The following KCNIP4 variants were observed in gnomAD, a reference collection of about 807,000 sequenced individuals.
The protein encoded by KCNIP4 is Kv channel-interacting protein 4.
In KCNIP4, 12 loss-of-function variants were observed where a neutral mutation model predicts 34.0. That is an observed-to-expected ratio of 0.35 (90% confidence interval 0.23 to 0.57). The LOEUF is 0.57. Ranked by LOEUF, KCNIP4 falls within the 20% of genes least tolerant of loss-of-function variation. KCNIP4 has a pLI of 0.83. For synonymous variants in KCNIP4, 124 were observed against 102.2 expected (o/e 1.21, Z -1.29); for missense variants, 238 against 311.7 (o/e 0.76, Z 1.78).
intron 1 of KCNIP4, among the ~76,000 whole-genome samples, chr4:21,690,133 T>TCA (rs200151398): frequency 6.9e-6 from 1 of 145,620 alleles, no homozygotes; most frequent in Non-Finnish European, 1.5e-5. Flanking sequence ...ATATTTTATA[T>TCA]TATATATATA....
At position 20,768,327 on chromosome 4, in the gene KCNIP4, A is replaced by G. The variant is rs575939274; in HGVS notation, c.289-9437T>C. 7.2e-5 allele frequency among the ~76,000 whole-genome samples: 11 copies of G among 152,324 alleles called. No homozygotes were observed. In the South Asian group the frequency reaches 2.3e-3, roughly 32 times the overall value. Reference sequence around the variant, plus strand: ...TCCTAAGACCAAGACCAAGATAGTCATGGGGGTTCCGATATCCCCATGATT... The same window carrying G: ...TCCTAAGACCAAGACCAAGATAGTCGTGGGGGTTCCGATATCCCCATGATT... On this transcript the variant is annotated intron_variant, in intron 3 of 8. Coordinates refer to ENST00000382152, the MANE Select transcript of KCNIP4 (RefSeq NM_025221.6).
chr4:21,323,961 T>C (rs571920677), intron 1 of KCNIP4, among the ~76,000 whole-genome samples: 6 of 152,160 alleles, frequency 3.9e-5, no homozygotes, highest in African/African-American at 1.4e-4. Context: ...TGAGAAAATA[T>C]CTCATTGTAG....
chr4:21,701,895 G>A (rs1243149389), intron 1 of KCNIP4, among the ~76,000 whole-genome samples: 1 of 151,858 alleles, frequency 6.6e-6, no homozygotes, highest in Non-Finnish European at 1.5e-5. Context: ...GTAGAGACAG[G>A]GTTTCACCAT....
intron 1 of KCNIP4, among the ~76,000 whole-genome samples, chr4:21,097,007 A>C (rs1021245432): frequency 3.9e-5 from 6 of 152,220 alleles, no homozygotes; most frequent in African/African-American, 1.4e-4. Flanking sequence ...AAAAACAAAA[A>C]AATTTATCAA....
intron 1 of KCNIP4, among the ~76,000 whole-genome samples, chr4:21,903,099 T>C (rs576767225): frequency 1.3e-5 from 2 of 152,264 alleles, no homozygotes; most frequent in Non-Finnish European, 2.9e-5. Context: ...ACGTAGCCAC[T>C]GGTGCAAACT....
intron 1 of KCNIP4, among the ~76,000 whole-genome samples, chr4:21,241,362 T>C (rs1577947689): frequency 6.6e-6 from 1 of 152,286 alleles, no homozygotes; most frequent in East Asian, 1.9e-4. Flanking sequence ...CAGTTAAAGA[T>C]GTTATTTTGA....
chr4:21,110,512 A>C (rs986583129), intron 1 of KCNIP4, among the ~76,000 whole-genome samples: 1 of 152,212 alleles, frequency 6.6e-6, no homozygotes, highest in Non-Finnish European at 1.5e-5. Context: ...ATAGTATTCT[A>C]TTACATTAGT....
chr4:21,791,157 T>A (rs1482772173), intron 1 of KCNIP4, among the ~76,000 whole-genome samples: 1 of 152,094 alleles, frequency 6.6e-6, no homozygotes, highest in Non-Finnish European at 1.5e-5. Context: ...ATTGCCAGCA[T>A]GTTTGGGTTC....
chr4:21,041,572 T>A (rs1291530805), intron 1 of KCNIP4, among the ~76,000 whole-genome samples: 1 of 152,188 alleles, frequency 6.6e-6, no homozygotes, highest in African/African-American at 2.4e-5. Context: ...TCCCCACATC[T>A]GGGAAAGACA....
chr4:21,299,543 A>G (rs1371597475), intron 1 of KCNIP4, among the ~76,000 whole-genome samples: 2 of 152,162 alleles, frequency 1.3e-5, no homozygotes, highest in Non-Finnish European at 2.9e-5. Context: ...CTCTTTCTTA[A>G]ACTTTACAGT....
At chr4:20,958,323 A>G (rs76208593) in intron 1 of KCNIP4, among the ~76,000 whole-genome samples, 2,769 of 152,254 alleles carry the variant, frequency 0.018, 41 homozygotes, top group Middle Eastern at 0.048. Flanking sequence ...TTATTCCTTC[A>G]TTGAGAAAAT....
intron 1 of KCNIP4, among the ~76,000 whole-genome samples, chr4:21,276,194 C>T (rs969171144): frequency 4.6e-5 from 7 of 152,182 alleles, no homozygotes. Context: ...CCTTAATCCA[C>T]AGTGCCTGTG....
At chr4:21,457,786 G>T (rs1729089923) in intron 1 of KCNIP4, among the ~76,000 whole-genome samples, 1 of 151,970 alleles carries the variant, frequency 6.6e-6, no homozygotes, top group Admixed American at 6.6e-5. Flanking sequence ...AGGACTGCTG[G>T]GAATGTAGTC....
chr4:21,755,908 T>C (rs947319414), intron 1 of KCNIP4, among the ~76,000 whole-genome samples: 1 of 152,202 alleles, frequency 6.6e-6, no homozygotes, highest in Non-Finnish European at 1.5e-5. Flanking sequence ...GTTATGGTTG[T>C]ATTGATATAA....
chr4:21,817,990 T>C (rs2122592), intron 1 of KCNIP4, among the ~76,000 whole-genome samples: 57,016 of 151,960 alleles, frequency 0.38, 12,479 homozygotes, highest in Non-Finnish European at 0.51. Flanking sequence ...CCCTGATTAG[T>C]AGTTCTGCTT....
intron 1 of KCNIP4, among the ~76,000 whole-genome samples, chr4:21,132,713 T>C (rs997743131): frequency 6.6e-6 from 1 of 151,992 alleles, no homozygotes; most frequent in African/African-American, 2.4e-5. Flanking sequence ...CATGTTAGAA[T>C]AAGAAATTTT....
At chr4:21,833,070 T>C (rs1359631295) in intron 1 of KCNIP4, among the ~76,000 whole-genome samples, 2 of 150,344 alleles carry the variant, frequency 1.3e-5, no homozygotes, top group South Asian at 2.1e-4. Context: ...TGTGTCTTTA[T>C]AGCAGCATGA....
intron 1 of KCNIP4, among the ~76,000 whole-genome samples, chr4:21,277,187 C>G (rs1165842342): frequency 3.3e-5 from 5 of 152,170 alleles, no homozygotes; most frequent in Admixed American, 3.3e-4. Flanking sequence ...AGGAACTTTT[C>G]AGGCTCTTCT....
At chr4:21,209,538 G>A (rs1326872296) in intron 1 of KCNIP4, among the ~76,000 whole-genome samples, 1 of 151,856 alleles carries the variant, frequency 6.6e-6, no homozygotes, top group African/African-American at 2.4e-5. Context: ...ATGCCCTTCA[G>A]TTCCATATTG....
Sources: allele counts gnomAD v4.1 joint callset (sites outside exome capture counted in the v4.1 genomes callset), GRCh38; gene constraint gnomAD v4.1.1; transcripts MANE v1.5; gene names NCBI Gene and HGNC (gene_info 2026-07-23, HGNC 2026-07-21).